LRRD1: variants seen among roughly 807,000 people sequenced by gnomAD.
LRRD1 encodes the protein leucine rich repeats and death domain containing 1, also known as leucine-rich repeat and death domain-containing protein 1.
In LRRD1, 49 loss-of-function variants were observed where a neutral mutation model predicts 69.5. The observed-to-expected ratio is 0.70, with a 90% confidence interval of 0.56 to 0.89. LRRD1 has a LOEUF of 0.89. Among genes scored for constraint, LRRD1 ranks in the 40% least tolerant of loss-of-function variants. The pLI, the probability that LRRD1 is intolerant of heterozygous loss-of-function variation, is 0.00. For missense variants in LRRD1, 853 were observed against 956.0 expected (o/e 0.89, Z 1.42); for synonymous variants, 303 against 338.9 (o/e 0.89, Z 1.16).
intron 3 of LRRD1, among the ~76,000 whole-genome samples, chr7:92,156,041 G>C (rs1437064387): frequency 6.6e-6 from 1 of 152,120 alleles, no homozygotes; most frequent in African/African-American, 2.4e-5. Flanking sequence ...ATCTCCTTTG[G>C]GAACACCCTC....
chr7:92,162,861 T>TA lies in LRRD1; in HGVS notation c.1917+424dup, dbSNP rs201384433. ...ATAATTCCTTATAAAACCATATGCA[T>TA]AACGGGAAAAAAGACTAAAAGTTGT... is the stretch of plus-strand genomic sequence containing the variant. On this transcript the variant is annotated intron_variant, in intron 2 of 5. Transcript: ENST00000458448. Among the ~76,000 whole-genome samples, 1,273 of 152,252 alleles carry TA rather than the reference T, an allele frequency of 8.4e-3. 6 individuals are homozygous for TA. The highest frequency in any genetic ancestry group is 0.014 in the Non-Finnish European group (919 of 67,986).
Position 92,165,039 on chromosome 7 carries a change from A to G in LRRD1, c.164T>C (p.Ile55Thr), listed in dbSNP as rs574616220. 1.9e-6 allele frequency: 3 copies of G among 1,551,542 alleles called. No homozygotes were observed. Among genetic ancestry groups the G allele is most frequent in the African/African-American group, 1.4e-5 (1 of 73,152 alleles). ...DYLEGKSSNQ[I>T]YETHPRQNTL... ...ATTCTGTCTAGGATGTGTTTCATAA[A>G]TCTGGTTAGAAGATTTCCCTTCCAG... The change falls in exon 2 of 6, where the codon ATT becomes ACT. Residue 55 changes from isoleucine to threonine, a missense_variant. Ile to Thr is a moderately conservative substitution (Grantham distance 89). Transcript: ENST00000458448.
intron 2 of LRRD1, among the ~76,000 whole-genome samples, chr7:92,160,567 A>G (rs1335741169): frequency 6.6e-6 from 1 of 152,190 alleles, no homozygotes; most frequent in Non-Finnish European, 1.5e-5. Context: ...CACACCTGTA[A>G]TCCCAGCACT....
At chr7:92,156,616 T>C (rs1164824926) in intron 3 of LRRD1, among the ~76,000 whole-genome samples, 6 of 152,250 alleles carry the variant, frequency 3.9e-5, no homozygotes, top group African/African-American at 1.4e-4. Flanking sequence ...AGACATATGA[T>C]TGATTTTTGT....
chr7:92,162,019 G>A (rs1227010688), intron 2 of LRRD1, among the ~76,000 whole-genome samples: 2 of 152,120 alleles, frequency 1.3e-5, no homozygotes, highest in African/African-American at 4.8e-5. Context: ...TCTTACAAGA[G>A]GAGAAAATGA....
At chr7:92,175,517 G>A (rs1042644615) in intron 1 of LRRD1, among the ~76,000 whole-genome samples, 5 of 152,004 alleles carry the variant, frequency 3.3e-5, no homozygotes, top group South Asian at 4.1e-4. Context: ...GCATGGTGGC[G>A]CACGGCTGTA....
At chr7:92,143,514 G>T (rs888369206), downstream of LRRD1, among the ~76,000 whole-genome samples, 1 of 152,214 alleles carries the variant, frequency 6.6e-6, no homozygotes, top group African/African-American at 2.4e-5. Flanking sequence ...GCCCTGCCCC[G>T]CGGGAAGGCA....
At position 92,150,713 on chromosome 7, in the gene LRRD1, G is replaced by A; in HGVS notation, c.2117-18C>T. On this transcript the variant is annotated intron_variant, in intron 3 of 5. Coordinates refer to ENST00000458448, the MANE Select transcript of LRRD1 (RefSeq NM_001161528.2). ...ATTATTTCCTAGTAGAAAAAAATTA[G>A]AATTGAATTACATCTTTCTATAAAA... 3 of 1,487,146 alleles carry A rather than the reference G, an allele frequency of 2.0e-6. No homozygotes were observed. Among genetic ancestry groups the A allele is most frequent in the Non-Finnish European group, 2.7e-6 (3 of 1,099,004 alleles). The allele number at this position is 1,487,146 out of a possible 1,614,324, so 92.1% of individuals were successfully genotyped here. A position where few individuals can be genotyped will look rare whatever the true frequency, so the allele number is the denominator to read the frequency against.
intron 3 of LRRD1, 28 bp from the exon 4 acceptor site, chr7:92,150,723 A>G (rs1230553133): frequency 6.9e-7 from 1 of 1,453,912 alleles, no homozygotes; most frequent in South Asian, 1.3e-5. Context: ...GAATTGAATT[A>G]CATCTTTCTA....
intron 4 of LRRD1, among the ~76,000 whole-genome samples, chr7:92,147,626 A>G (rs1163278839): frequency 1.3e-5 from 2 of 152,170 alleles, no homozygotes; most frequent in Non-Finnish European, 2.9e-5. Flanking sequence ...ATTCAAGTCA[A>G]TTATTTAATA....
At chr7:92,142,799 T>A (rs1232536758), downstream of LRRD1, 1 of 442,730 alleles carries the variant, frequency 2.3e-6, no homozygotes, top group Non-Finnish European at 4.5e-6. Context: ...GGGTTCCTGG[T>A]CTTGCTGGCT....
rs767079005 is a variant in LRRD1 at position 92,179,108 on chromosome 7, A to T, written c.-176T>A. ...AGGACCTCCGCAGGCGCAGCCCAGC[A>T]CTGACGCCTCTCCGGGCCGTGGCTC... On this transcript the variant is annotated 5_prime_UTR_variant, in exon 1 of 6. Transcript: ENST00000458448. 3 of 152,294 alleles carry T rather than the reference A, an allele frequency of 2.0e-5. No homozygotes were observed. Among genetic ancestry groups the T allele is most frequent in the Non-Finnish European group, 2.9e-5 (2 of 68,082 alleles). 9.4% of individuals were successfully genotyped at this position (152,294 alleles called of 1,614,324 possible).
rs1010645250 is a variant in LRRD1 at position 92,145,999 on chromosome 7, G to T, written c.2396+84C>A. 8 of 691,060 alleles carry T rather than the reference G, an allele frequency of 1.2e-5. No homozygotes were observed. In the East Asian group the frequency reaches 1.5e-4, roughly 13 times the overall value. The allele number at this position is 691,060 out of a possible 1,614,324, so 42.8% of individuals were successfully genotyped here. On this transcript the variant is annotated intron_variant, in intron 5 of 5. Transcript: ENST00000458448. ...AGCAAAGTAGAGATTGTGTTAATAC[G>T]AATGTTTCAAAACCATGCAATATCA...
rs1820288154 is a variant in LRRD1, at chr7:92,145,214, C to T, written c.2397-140G>A. ...ATATTGTATATCTAGGTTTTCAAAC[C>T]AATTTTATCAGACTGAAGTGAGGAT... On this transcript the variant is annotated intron_variant, in intron 5 of 5. Transcript: ENST00000458448. 1.3e-5 allele frequency: 5 copies of T among 393,844 alleles called. No homozygotes were observed. In the Admixed American group the frequency reaches 1.9e-4, roughly 15 times the overall value. 24.4% of individuals were successfully genotyped at this position (393,844 alleles called of 1,614,324 possible). A position where few individuals can be genotyped will look rare whatever the true frequency, so the allele number is the denominator to read the frequency against.
At position 92,163,268 on chromosome 7, in the gene LRRD1, A is replaced by G; in HGVS notation, c.1917+18T>C. The stretch of plus-strand genomic sequence containing the variant: ...CAGTCTCTCCTTCCCCACAAAGCCC[A>G]CAATACCAGTCTCTTACCTTTCTCC... On this transcript the variant is annotated intron_variant, in intron 2 of 5. Coordinates refer to ENST00000458448, the MANE Select transcript of LRRD1 (RefSeq NM_001161528.2). 7.2e-7 allele frequency: 1 copy of G among 1,397,118 alleles called. No individual in the cohort carries two copies. The highest frequency in any genetic ancestry group is 9.4e-7 in the Non-Finnish European group (1 of 1,065,042). The allele number at this position is 1,397,118 out of a possible 1,614,324, so 86.5% of individuals were successfully genotyped here.
At chr7:92,174,250 G>A (rs1351316344) in intron 1 of LRRD1, among the ~76,000 whole-genome samples, 3 of 151,604 alleles carry the variant, frequency 2.0e-5, no homozygotes, top group Non-Finnish European at 2.9e-5. Flanking sequence ...AAGGCCTAGT[G>A]TTTGATAGAT....
At chr7:92,177,228 A>ATT (rs770350850) in intron 1 of LRRD1, among the ~76,000 whole-genome samples, 17 of 150,608 alleles carry the variant, frequency 1.1e-4, no homozygotes, top group African/African-American at 3.9e-4. Context: ...AATTTTGCTG[A>ATT]TTTTTTTTTA....
intron 1 of LRRD1, among the ~76,000 whole-genome samples, chr7:92,169,512 G>A (rs186497672): frequency 6.8e-4 from 104 of 151,922 alleles, no homozygotes; most frequent in African/African-American, 2.3e-3. Context: ...TTAGCCGGGC[G>A]TGGTGGTGGG....
rs1486528933 is a variant in LRRD1, at chr7:92,163,994, A to T, written c.1209T>A (p.Ser403Arg). Reference sequence around the variant, plus strand: ...TAGGGAGTTCTGTTAATTTATTATCACTAAGACTAAGGCATTCCAACATTG... The same window carrying T: ...TAGGGAGTTCTGTTAATTTATTATCTCTAAGACTAAGGCATTCCAACATTG... ...CCAMLECLSL[S>R]DNKLTELPKY... Residue 403 changes from serine to arginine, a missense_variant, in exon 2 of 6, where the codon AGT becomes AGA. Ser to Arg is a moderately radical substitution (Grantham distance 110). Coordinates refer to ENST00000458448, the MANE Select transcript of LRRD1 (RefSeq NM_001161528.2). 3.3e-6 allele frequency: 5 copies of T among 1,531,946 alleles called. No individual in the cohort carries two copies. The highest frequency in any genetic ancestry group is 4.4e-6 in the Non-Finnish European group (5 of 1,140,174). 94.9% of individuals were successfully genotyped at this position (1,531,946 alleles called of 1,614,324 possible).
Sources: gnomAD v4.1 joint callset for allele counts (sites outside exome capture counted in the v4.1 genomes callset) on GRCh38, gnomAD v4.1.1 for gene constraint, MANE v1.5 for transcripts, NCBI Gene and HGNC (gene_info 2026-07-23, HGNC 2026-07-21) for gene names.